SLC44A5: variants seen among roughly 807,000 people sequenced by gnomAD.
SLC44A5 encodes solute carrier family 44 member 5.
A neutral mutation model predicts 101.8 loss-of-function variants in SLC44A5; 57 were observed. The observed-to-expected ratio is 0.56, with a 90% CI of 0.45 to 0.70. SLC44A5 has a LOEUF of 0.70. Ranked by LOEUF, SLC44A5 falls within the 30% of genes least tolerant of loss-of-function variation. The pLI, the probability that SLC44A5 is intolerant of heterozygous loss-of-function variation, is 0.00. For missense variants in SLC44A5, 737 were observed against 853.1 expected, an observed-to-expected ratio of 0.86 and a Z score of 1.70; for synonymous variants, 281 against 290.9, an observed-to-expected ratio of 0.97 and a Z score of 0.35.
intron 2 of SLC44A5, among the ~76,000 whole-genome samples, chr1:75,537,217 T>C (rs1344612989): frequency 6.6e-6 from 1 of 151,956 alleles, no homozygotes; most frequent in Non-Finnish European, 1.5e-5. Context: ...GTTGAACAAT[T>C]CAAATTGGTA....
the SLC44A5 span, among the ~76,000 whole-genome samples, chr1:75,699,027 T>C: frequency 6.6e-6 from 1 of 152,152 alleles, no homozygotes; most frequent in Non-Finnish European, 1.5e-5. Context: ...CTACATCTGA[T>C]TGGTGTACCT....
intron 1 of SLC44A5, among the ~76,000 whole-genome samples, chr1:75,560,625 T>TA (rs981163866): frequency 1.3e-5 from 2 of 152,180 alleles, no homozygotes; most frequent in African/African-American, 4.8e-5. Flanking sequence ...AAGTACACTT[T>TA]AAAAATTGCC....
intron 18 of SLC44A5, 28 bp downstream of exon 18, chr1:75,217,838 A>T: frequency 7.0e-7 from 1 of 1,436,758 alleles, no homozygotes; most frequent in South Asian, 1.1e-5. Context: ...TATTATCTTC[A>T]CAAAAGTCAG....
At chr1:75,242,185 C>T in intron 8 of SLC44A5, 124 bp from the exon 9 acceptor site, 2 of 631,858 alleles carry the variant, frequency 3.2e-6, no homozygotes, top group South Asian at 4.3e-5. Flanking sequence ...ATTACTTCTA[C>T]TAATAATATT....
chr1:75,232,964 C>T (rs1647724637), intron 12 of SLC44A5, among the ~76,000 whole-genome samples: 2 of 152,242 alleles, frequency 1.3e-5, no homozygotes, highest in South Asian at 4.1e-4. Context: ...ATGTCTACTA[C>T]CATAAAACTG....
At chr1:75,698,844 T>C in the SLC44A5 span, among the ~76,000 whole-genome samples, 4 of 152,120 alleles carry the variant, frequency 2.6e-5, no homozygotes, top group Admixed American at 1.3e-4. Flanking sequence ...ACTCGAGAAC[T>C]ACGTGAAGAA....
At chr1:75,433,833 C>G (rs1343090548) in intron 2 of SLC44A5, among the ~76,000 whole-genome samples, 2 of 152,098 alleles carry the variant, frequency 1.3e-5, no homozygotes, top group East Asian at 3.9e-4. Context: ...ATTCACAGTT[C>G]CACATGGCTG....
intron 3 of SLC44A5, among the ~76,000 whole-genome samples, chr1:75,356,526 A>C: frequency 6.6e-6 from 1 of 152,214 alleles, no homozygotes; most frequent in East Asian, 1.9e-4. Flanking sequence ...AGACTCAAAA[A>C]GCTTAAATGA....
intron 2 of SLC44A5, among the ~76,000 whole-genome samples, chr1:75,538,378 T>C (rs1270857701): frequency 3.9e-5 from 6 of 152,228 alleles, no homozygotes; most frequent in Non-Finnish European, 8.8e-5. Flanking sequence ...ATAGATATGA[T>C]ATAAATGTAG....
intron 1 of SLC44A5, among the ~76,000 whole-genome samples, chr1:75,578,692 T>A (rs1330490467): frequency 6.6e-6 from 1 of 152,084 alleles, no homozygotes; most frequent in African/African-American, 2.4e-5. Context: ...TTAGACAGGA[T>A]AAACAAGTTC....
At chr1:75,405,882 T>TAA (rs151008621) in intron 2 of SLC44A5, among the ~76,000 whole-genome samples, 5,975 of 118,666 alleles carry the variant, frequency 0.05, 200 homozygotes, top group African/African-American at 0.11. Flanking sequence ...GCGATAGAGA[T>TAA]AAAAAAAAAA....
intron 5 of SLC44A5, among the ~76,000 whole-genome samples, chr1:75,290,436 C>T (rs1412321391): frequency 6.6e-6 from 1 of 152,138 alleles, no homozygotes; most frequent in East Asian, 1.9e-4. Context: ...CAGAGATTGG[C>T]ACCAATAGGG....
At chr1:75,711,985 A>C in the SLC44A5 span, among the ~76,000 whole-genome samples, 1 of 152,198 alleles carries the variant, frequency 6.6e-6, no homozygotes, top group South Asian at 2.1e-4. Flanking sequence ...GTTCTGGATT[A>C]TGCTCTATTC....
At chr1:75,256,697 G>A (rs545432108) in intron 6 of SLC44A5, among the ~76,000 whole-genome samples, 2 of 152,216 alleles carry the variant, frequency 1.3e-5, no homozygotes, top group Admixed American at 1.3e-4. Context: ...GAAAGTAAAA[G>A]GTGAAAGGGA....
chr1:75,693,821 T>G, the SLC44A5 span, among the ~76,000 whole-genome samples: 1 of 152,068 alleles, frequency 6.6e-6, no homozygotes, highest in Admixed American at 6.6e-5. Flanking sequence ...ATCAGCTATG[T>G]CAAATTGTGC....
At chr1:75,339,728 C>T in intron 3 of SLC44A5, 98 bp from the exon 4 acceptor site, 2 of 1,033,122 alleles carry the variant, frequency 1.9e-6, no homozygotes, top group South Asian at 1.6e-5. Flanking sequence ...TAGTCCACTG[C>T]TCAGTGCAGT....
chr1:75,335,008 T>A (rs969263797), intron 4 of SLC44A5, among the ~76,000 whole-genome samples: 1 of 152,180 alleles, frequency 6.6e-6, no homozygotes, highest in African/African-American at 2.4e-5. Flanking sequence ...ATTGCAGACC[T>A]GTGAGTAACA....
At chr1:75,474,146 G>A (rs1044846116) in intron 2 of SLC44A5, among the ~76,000 whole-genome samples, 2 of 152,044 alleles carry the variant, frequency 1.3e-5, no homozygotes, top group African/African-American at 4.8e-5. Context: ...AAGATTCAAG[G>A]CAGGAGATGG....
chr1:75,476,105 C>T (rs1290762552), intron 2 of SLC44A5, among the ~76,000 whole-genome samples: 2 of 152,034 alleles, frequency 1.3e-5, no homozygotes, highest in African/African-American at 2.4e-5. Context: ...ATCGCTTGAA[C>T]CCGGGAGGCA....
Sources: gnomAD v4.1 joint callset for allele counts (sites outside exome capture counted in the v4.1 genomes callset) on GRCh38, gnomAD v4.1.1 for gene constraint, MANE v1.5 for transcripts, NCBI Gene and HGNC (gene_info 2026-07-23, HGNC 2026-07-21) for gene names.